The following SHC4 variants were observed in gnomAD, a reference collection of about 807,000 sequenced individuals.
The protein encoded by SHC4 is SHC adaptor protein 4.
SHC4 carries 41 observed loss-of-function variants against 69.4 expected under a neutral mutation model. The ratio of observed to expected loss-of-function variants is 0.59; its 90% CI spans 0.46 to 0.77. The LOEUF is 0.77. Among genes scored for constraint, SHC4 ranks in the 30% least tolerant of loss-of-function variants. SHC4 has a pLI of 0.00. For synonymous variants in SHC4, 318 were observed against 299.3 expected, an observed-to-expected ratio of 1.06 and a Z score of -0.64; for missense variants, 777 against 783.8, an observed-to-expected ratio of 0.99 and a Z score of 0.10.
At chr15:48,920,004 TCACGGA>T (rs1567070089) in intron 2 of SHC4, among the ~76,000 whole-genome samples, 2 of 150,438 alleles carry the variant, frequency 1.3e-5, no homozygotes, top group Non-Finnish European at 3.0e-5. Context: ...GCCTACAAGT[TCACGGA>T]GTTTGTTTTT....
chr15:48,963,047 G>C lies in SHC4; in HGVS notation c.-32C>G, dbSNP rs1224635848. 1 of 1,557,492 alleles carries C rather than the reference G, an allele frequency of 6.4e-7. No homozygotes were observed. Among genetic ancestry groups the C allele is most frequent in the African/African-American group, 1.4e-5 (1 of 73,440 alleles). On this transcript the variant is annotated 5_prime_UTR_variant, in exon 1 of 12. Transcript: ENST00000332408. ...GGCAGTGCTGAAACAGGATACTGTT[G>C]CATAAATCGCCTCGTCGTCTGGTAG...
intron 2 of SHC4, among the ~76,000 whole-genome samples, chr15:48,917,165 T>C (rs1900638994): frequency 6.6e-6 from 1 of 151,594 alleles, no homozygotes; most frequent in South Asian, 2.1e-4. Flanking sequence ...AGAAGGAAGA[T>C]TTTTTTTCTT....
chr15:48,903,073 C>T (rs1900345081), intron 2 of SHC4, among the ~76,000 whole-genome samples: 6 of 152,086 alleles, frequency 3.9e-5, no homozygotes, highest in Admixed American at 3.9e-4. Flanking sequence ...TCAAAAACAC[C>T]CATTTTTTAA....
At chr15:48,878,257 C>T in intron 4 of SHC4, 1 of 1,612,710 alleles carries the variant, frequency 6.2e-7, no homozygotes, top group Non-Finnish European at 8.5e-7. Context: ...GCGAGGGTGA[C>T]CTTCCGCAGA....
intron 10 of SHC4, among the ~76,000 whole-genome samples, chr15:48,840,569 TAGA>T (rs1406109275): frequency 6.6e-6 from 1 of 151,774 alleles, no homozygotes; most frequent in Non-Finnish European, 1.5e-5. Context: ...AGGAAGAAAA[TAGA>T]AGGATCCATT....
chr15:48,939,563 A>G (rs1901137251), intron 1 of SHC4, among the ~76,000 whole-genome samples: 1 of 152,154 alleles, frequency 6.6e-6, no homozygotes, highest in Admixed American at 6.5e-5. Context: ...GCTGGTTCTC[A>G]TTTTCCCTTT....
rs1186247432 is a variant in SHC4 at position 48,897,735 on chromosome 15, TCCCCACATC to T, written c.657-6933_657-6925del. Among the ~76,000 whole-genome samples, 12 of 106,426 alleles carry T rather than the reference TCCCCACATC, an allele frequency of 1.1e-4. No individual in the cohort carries two copies. In the East Asian group the frequency reaches 3.7e-3, roughly 33 times the overall value. 69.8% of individuals were successfully genotyped at this position (106,426 alleles called of 152,430 possible). ...CAGCTGGAATGATTAAAGGCAATGA[TCCCCACATC>T]CCCCACCTTCTGACACACACACACA... On this transcript the variant is annotated intron_variant, in intron 2 of 11. Transcript: ENST00000332408.
intron 2 of SHC4, among the ~76,000 whole-genome samples, chr15:48,923,828 A>G (rs1900796748): frequency 6.6e-6 from 1 of 151,700 alleles, no homozygotes; most frequent in African/African-American, 2.4e-5. Context: ...TTTTGTAGAG[A>G]TGGAGTCTCA....
At chr15:48,939,606 C>T (rs933264658) in intron 1 of SHC4, among the ~76,000 whole-genome samples, 1 of 152,170 alleles carries the variant, frequency 6.6e-6, no homozygotes, top group Admixed American at 6.5e-5. Flanking sequence ...ATGTGACACA[C>T]AGTAGGCTCT....
At chr15:48,827,150 C>G (rs752448498) in intron 11 of SHC4, among the ~76,000 whole-genome samples, 1 of 152,162 alleles carries the variant, frequency 6.6e-6, no homozygotes, top group Non-Finnish European at 1.5e-5. Flanking sequence ...TGCAACAAGG[C>G]AGCACCTCGT....
intron 1 of SHC4, among the ~76,000 whole-genome samples, chr15:48,955,773 A>G (rs990555501): frequency 1.3e-5 from 2 of 152,346 alleles, no homozygotes; most frequent in Admixed American, 1.3e-4. Context: ...ATGTAGAGGC[A>G]TTTGGTGTAG....
chr15:48,957,976 G>C (rs1901482180), intron 1 of SHC4, among the ~76,000 whole-genome samples: 1 of 152,206 alleles, frequency 6.6e-6, no homozygotes, highest in African/African-American at 2.4e-5. Context: ...GAAGAGACAA[G>C]GAAGAGCTCT....
chr15:48,840,644 C>T (rs1898973109), intron 10 of SHC4, among the ~76,000 whole-genome samples: 1 of 152,138 alleles, frequency 6.6e-6, no homozygotes, highest in Non-Finnish European at 1.5e-5. Flanking sequence ...AAAGCTATCC[C>T]CACTCCATCT....
At position 48,857,805 on chromosome 15, in the gene SHC4, T is replaced by C. The variant is rs766590732; in HGVS notation, c.957A>G (p.Ile319Met). 4.5e-6 allele frequency: 7 copies of C among 1,544,992 alleles called. No homozygotes were observed. The highest frequency in any genetic ancestry group is 6.1e-6 in the Non-Finnish European group (7 of 1,145,138). The change falls in exon 7 of 12, where the codon ATA (isoleucine) becomes ATG (methionine). Residue 319 changes from isoleucine to methionine, a missense_variant. Transcript: ENST00000332408. ...GGGCCATTCCATTGTGGCATTCCAA[T>C]ATGTGACAGGCTGCAAGAGGACATA... ...KDPVNQRACH[I>M]LECHNGMAQD...
intron 2 of SHC4, among the ~76,000 whole-genome samples, chr15:48,913,231 C>T (rs1900542869): frequency 2.0e-5 from 3 of 152,002 alleles, no homozygotes; most frequent in Middle Eastern, 6.8e-3. Context: ...TGGGGCTAGG[C>T]ATGTCTGAGC....
At chr15:48,948,133 T>G (rs1901306255) in intron 1 of SHC4, 1 of 152,262 alleles carries the variant, frequency 6.6e-6, no homozygotes, top group African/African-American at 2.4e-5. Context: ...CTGTGTTTTT[T>G]ATTTCTAGGT....
At position 48,823,792 on chromosome 15, in the gene SHC4, T is replaced by C. The variant is rs1041867822; in HGVS notation, c.*2179A>G. 1 of 152,256 alleles carries C rather than the reference T, an allele frequency of 6.6e-6. No individual in the cohort carries two copies. Among genetic ancestry groups the C allele is most frequent in the African/African-American group, 2.4e-5 (1 of 41,476 alleles). 9.4% of individuals were successfully genotyped at this position (152,256 alleles called of 1,614,324 possible). The stretch of plus-strand genomic sequence containing the variant: ...TTTTAAAGTCGTTTACAGGTATTTA[T>C]AGGCAAATGGATTTCCACTTTAAGA... On this transcript the variant is annotated 3_prime_UTR_variant, in exon 12 of 12. Coordinates refer to ENST00000332408, the MANE Select transcript of SHC4 (RefSeq NM_203349.4).
At chr15:48,877,987 G>T (rs1899847816) in intron 4 of SHC4, 6 of 599,206 alleles carry the variant, frequency 1.0e-5, no homozygotes, top group Non-Finnish European at 1.6e-5. Flanking sequence ...AAAAGGCGAC[G>T]CCAACACCCC....
At chr15:48,962,122 C>T (rs762458962) in intron 1 of SHC4, among the ~76,000 whole-genome samples, 10 of 152,226 alleles carry the variant, frequency 6.6e-5, no homozygotes, top group African/African-American at 2.4e-4. Flanking sequence ...CTAGGTCCAG[C>T]GGGGACAAAG....
Sources: allele counts gnomAD v4.1 joint callset (sites outside exome capture counted in the v4.1 genomes callset), GRCh38; gene constraint gnomAD v4.1.1; transcripts MANE v1.5; gene names NCBI Gene and HGNC (gene_info 2026-07-23, HGNC 2026-07-21).